SPAG16: variants seen among roughly 807,000 people sequenced by gnomAD.
SPAG16 encodes the protein sperm associated antigen 16.
Under a neutral mutation model 80.4 loss-of-function variants are expected in SPAG16, and 86 were observed. The ratio of observed to expected loss-of-function variants is 1.07; its 90% CI spans 0.90 to 1.28. The LOEUF (loss-of-function observed/expected upper bound fraction) is 1.28. SPAG16 is among the 50% of genes most tolerant of loss of function. SPAG16 has a pLI of 0.00. For missense variants in SPAG16, 870 were observed against 765.3 expected, an observed-to-expected ratio of 1.14 and a Z score of -1.61; for synonymous variants, 294 against 265.9, an observed-to-expected ratio of 1.11 and a Z score of -1.03.
At chr2:213,948,226 C>A (rs535398161) in intron 12 of SPAG16, among the ~76,000 whole-genome samples, 2 of 152,280 alleles carry the variant, frequency 1.3e-5, no homozygotes, top group Admixed American at 1.3e-4. Context: ...GCTACACTTT[C>A]TTTTCCCCTT....
intron 9 of SPAG16, among the ~76,000 whole-genome samples, chr2:213,383,918 T>C (rs1247740261): frequency 2.0e-5 from 3 of 152,208 alleles, no homozygotes; most frequent in Non-Finnish European, 4.4e-5. Flanking sequence ...CCCAACTGAA[T>C]GCACATTGCT....
chr2:214,143,796 C>T (rs962247119), intron 14 of SPAG16, among the ~76,000 whole-genome samples: 1 of 152,128 alleles, frequency 6.6e-6, no homozygotes, highest in Non-Finnish European at 1.5e-5. Context: ...TCTTTGAGAG[C>T]TTTCCATGCA....
At chr2:214,036,271 T>C (rs890080480) in intron 13 of SPAG16, among the ~76,000 whole-genome samples, 1 of 152,182 alleles carries the variant, frequency 6.6e-6, no homozygotes, top group Admixed American at 6.5e-5. Flanking sequence ...GGACCATAAT[T>C]CTTTGAGCAC....
chr2:214,017,913 C>T (rs1317665530), intron 13 of SPAG16, among the ~76,000 whole-genome samples: 1 of 151,956 alleles, frequency 6.6e-6, no homozygotes, highest in Non-Finnish European at 1.5e-5. Context: ...AGAAAAAAGG[C>T]TCTAAAATAT....
chr2:213,444,773 A>G (rs192846686), intron 9 of SPAG16, among the ~76,000 whole-genome samples: 36 of 152,288 alleles, frequency 2.4e-4, no homozygotes, highest in Admixed American at 8.5e-4. Flanking sequence ...AAATACCCAG[A>G]ATAGACAGAA....
intron 15 of SPAG16, among the ~76,000 whole-genome samples, chr2:214,407,949 C>T (rs539429803): frequency 5.9e-5 from 9 of 152,238 alleles, no homozygotes; most frequent in South Asian, 4.1e-4. Context: ...AGTTACGATA[C>T]GTACTCAGTC....
intron 10 of SPAG16, among the ~76,000 whole-genome samples, chr2:213,628,240 A>G (rs2062027876): frequency 6.6e-6 from 1 of 152,336 alleles, no homozygotes; most frequent in East Asian, 1.9e-4. Flanking sequence ...AGGTCAGGAA[A>G]TTCTTGAGTG....
At chr2:213,738,478 A>G (rs966510721) in intron 10 of SPAG16, among the ~76,000 whole-genome samples, 1 of 152,226 alleles carries the variant, frequency 6.6e-6, no homozygotes, top group Non-Finnish European at 1.5e-5. Flanking sequence ...AATTTATTTC[A>G]TAACAGTAGC....
chr2:213,889,702 C>G (rs928326225), intron 11 of SPAG16, among the ~76,000 whole-genome samples: 4 of 142,826 alleles, frequency 2.8e-5, no homozygotes, highest in African/African-American at 1.0e-4. Context: ...TATATATACA[C>G]ATATATATAC....
At chr2:214,297,885 A>G (rs747299692) in intron 15 of SPAG16, among the ~76,000 whole-genome samples, 28 of 150,710 alleles carry the variant, frequency 1.9e-4, no homozygotes, top group Non-Finnish European at 3.7e-4. Context: ...GTGAAAAATG[A>G]CATTAGTAAT....
At chr2:213,358,116 C>T (rs573214026) in intron 7 of SPAG16, among the ~76,000 whole-genome samples, 86 of 152,234 alleles carry the variant, frequency 5.6e-4, no homozygotes, top group African/African-American at 1.8e-3. Flanking sequence ...GGGTTTCTGC[C>T]GAGAGATCTG....
intron 10 of SPAG16, among the ~76,000 whole-genome samples, chr2:213,686,744 T>C (rs2064699322): frequency 7.2e-6 from 1 of 138,334 alleles, no homozygotes; most frequent in Admixed American, 8.3e-5. Context: ...TGGAGTGTAG[T>C]GGTGCCGTCT....
chr2:213,575,240 T>A (rs1332076791), intron 10 of SPAG16, among the ~76,000 whole-genome samples: 1 of 152,202 alleles, frequency 6.6e-6, no homozygotes, highest in Non-Finnish European at 1.5e-5. Flanking sequence ...TATTCAGAGT[T>A]GAATGCATTA....
At chr2:213,550,555 A>C (rs1276590487) in intron 10 of SPAG16, among the ~76,000 whole-genome samples, 1 of 152,124 alleles carries the variant, frequency 6.6e-6, no homozygotes, top group African/African-American at 2.4e-5. Context: ...TCATGGAAGA[A>C]TATGTCATGG....
At chr2:213,325,823 A>G (rs1043642907) in intron 5 of SPAG16, among the ~76,000 whole-genome samples, 1 of 151,958 alleles carries the variant, frequency 6.6e-6, no homozygotes, top group Non-Finnish European at 1.5e-5. Context: ...TTGCATTTTC[A>G]GTTCCATATA....
intron 15 of SPAG16, among the ~76,000 whole-genome samples, chr2:214,373,621 T>C (rs1699944952): frequency 6.6e-6 from 1 of 152,142 alleles, no homozygotes; most frequent in Admixed American, 6.6e-5. Flanking sequence ...GAACAACGGC[T>C]CTTACTTCCT....
chr2:213,733,694 T>G (rs2067159851), intron 10 of SPAG16, among the ~76,000 whole-genome samples: 1 of 152,256 alleles, frequency 6.6e-6, no homozygotes, highest in African/African-American at 2.4e-5. Context: ...TTTTGTGGTG[T>G]CCTCATCAAT....
chr2:214,040,196 A>G (rs1305935695), intron 13 of SPAG16, among the ~76,000 whole-genome samples: 1 of 152,200 alleles, frequency 6.6e-6, no homozygotes, highest in Non-Finnish European at 1.5e-5. Flanking sequence ...TCTACACCTT[A>G]GCAGAATTCA....
intron 9 of SPAG16, among the ~76,000 whole-genome samples, chr2:213,385,158 C>T (rs910370513): frequency 2.6e-5 from 4 of 152,166 alleles, no homozygotes; most frequent in Admixed American, 2.0e-4. Flanking sequence ...ATGGTTATCT[C>T]ATGGGATTTT....
Sources: allele counts gnomAD v4.1 joint callset (sites outside exome capture counted in the v4.1 genomes callset), GRCh38; gene constraint gnomAD v4.1.1; transcripts MANE v1.5; gene names NCBI Gene and HGNC (gene_info 2026-07-23, HGNC 2026-07-21).